Variants in EPHA3 observed in about 807,000 individuals in gnomAD.
EPHA3 encodes ephrin type-A receptor 3.
EPHA3 carries 42 observed loss-of-function variants against 107.1 expected under a neutral mutation model. The observed-to-expected ratio is 0.39, with a 90% confidence interval of 0.31 to 0.51. The LOEUF is 0.51. Ranked by LOEUF, EPHA3 falls within the 20% of genes least tolerant of loss-of-function variation. The pLI is 0.78. For synonymous variants in EPHA3, 461 were observed against 424.8 expected (o/e 1.09, Z -1.05); for missense variants, 1,183 against 1,211.2 (o/e 0.98, Z 0.35).
chr3:89,432,343 T>C (rs1709585447), intron 13 of EPHA3, among the ~76,000 whole-genome samples: 1 of 152,178 alleles, frequency 6.6e-6, no homozygotes, highest in South Asian at 2.1e-4. Context: ...CAAAATGCAT[T>C]TGAATTTTTT....
intron 3 of EPHA3, among the ~76,000 whole-genome samples, chr3:89,299,951 T>C (rs1317058252): frequency 6.6e-6 from 1 of 152,058 alleles, no homozygotes; most frequent in Non-Finnish European, 1.5e-5. Context: ...GTGTCGATTA[T>C]ATTAATTTTT....
chr3:89,223,080 A>T (rs1196320020), intron 3 of EPHA3, among the ~76,000 whole-genome samples: 1 of 152,322 alleles, frequency 6.6e-6, no homozygotes, highest in East Asian at 1.9e-4. Flanking sequence ...AAAAACACTG[A>T]TAGTCAAGAA....
chr3:89,181,389 A>T (rs561748836), intron 2 of EPHA3, among the ~76,000 whole-genome samples: 4 of 151,988 alleles, frequency 2.6e-5, no homozygotes, highest in African/African-American at 9.7e-5. Flanking sequence ...TATATCAGTT[A>T]TATATTTTGT....
At chr3:89,358,802 T>C (rs996174570) in intron 5 of EPHA3, among the ~76,000 whole-genome samples, 3 of 151,302 alleles carry the variant, frequency 2.0e-5, no homozygotes, top group Admixed American at 6.6e-5. Flanking sequence ...CCCAAAGTTT[T>C]TCACTAAAGA....
chr3:89,361,179 G>C (rs1014539368), intron 5 of EPHA3, among the ~76,000 whole-genome samples: 1 of 151,026 alleles, frequency 6.6e-6, no homozygotes, highest in Non-Finnish European at 1.5e-5. Flanking sequence ...GATGCCATTA[G>C]TGTTGCCCAA....
chr3:89,109,225 C>T (rs77858175), intron 1 of EPHA3, among the ~76,000 whole-genome samples: 5,183 of 152,032 alleles, frequency 0.034, 266 homozygotes, highest in African/African-American at 0.11. Flanking sequence ...AGAAAATTAT[C>T]TTACCCACAA....
intron 2 of EPHA3, among the ~76,000 whole-genome samples, chr3:89,203,444 G>T (rs1254901696): frequency 5.3e-5 from 8 of 151,972 alleles, no homozygotes; most frequent in Non-Finnish European, 1.2e-4. Flanking sequence ...TGAGATCTCA[G>T]TACAGTAACC....
intron 9 of EPHA3, among the ~76,000 whole-genome samples, chr3:89,410,791 G>A (rs1309164200): frequency 6.6e-6 from 1 of 151,906 alleles, no homozygotes; most frequent in Non-Finnish European, 1.5e-5. Context: ...ATCTAGAAAA[G>A]TATGATAGCT....
At chr3:89,174,919 AG>A (rs1162098632) in intron 2 of EPHA3, among the ~76,000 whole-genome samples, 2 of 152,048 alleles carry the variant, frequency 1.3e-5, no homozygotes, top group Admixed American at 6.6e-5. Flanking sequence ...GGAAAAAAAA[AG>A]CATGAAACAT....
intron 2 of EPHA3, among the ~76,000 whole-genome samples, chr3:89,163,808 GGAT>G (rs1323156714): frequency 1.3e-5 from 2 of 152,116 alleles, no homozygotes; most frequent in Non-Finnish European, 2.9e-5. Context: ...TACTTTCAAA[GGAT>G]GATGGTATGG....
intron 3 of EPHA3, among the ~76,000 whole-genome samples, chr3:89,233,362 C>G: frequency 6.6e-6 from 1 of 152,112 alleles, no homozygotes; most frequent in East Asian, 1.9e-4. Flanking sequence ...ACTTTTCTGC[C>G]TTTGGCATTG....
intron 3 of EPHA3, among the ~76,000 whole-genome samples, chr3:89,275,640 A>G (rs115379548): frequency 0.011 from 1,668 of 152,204 alleles, 23 homozygotes; most frequent in African/African-American, 0.038. Flanking sequence ...TTCCAACACC[A>G]AATTTTCTCA....
At chr3:89,474,237 G>A (rs537592818) in intron 16 of EPHA3, among the ~76,000 whole-genome samples, 52 of 152,208 alleles carry the variant, frequency 3.4e-4, no homozygotes, top group African/African-American at 1.2e-3. Flanking sequence ...AACAGTTTAC[G>A]ATTATTGAAG....
intron 3 of EPHA3, among the ~76,000 whole-genome samples, chr3:89,233,620 T>G (rs1704687426): frequency 6.6e-6 from 1 of 152,152 alleles, no homozygotes; most frequent in Admixed American, 6.5e-5. Context: ...AGAGTGAAAA[T>G]TATATCGGTT....
chr3:89,263,113 T>C (rs1202225885), intron 3 of EPHA3, among the ~76,000 whole-genome samples: 1 of 151,956 alleles, frequency 6.6e-6, no homozygotes, highest in Non-Finnish European at 1.5e-5. Context: ...TTTCTCCTAA[T>C]GCTACCTCTC....
intron 3 of EPHA3, among the ~76,000 whole-genome samples, chr3:89,298,696 G>A (rs891458491): frequency 5.9e-5 from 9 of 152,156 alleles, no homozygotes; most frequent in South Asian, 2.1e-4. Context: ...ATACATTGGA[G>A]ATGCCAAGAC....
At chr3:89,175,956 C>G (rs534475621) in intron 2 of EPHA3, among the ~76,000 whole-genome samples, 1 of 152,108 alleles carries the variant, frequency 6.6e-6, no homozygotes, top group African/African-American at 2.4e-5. Flanking sequence ...CACCACTGAC[C>G]CCCAAGTGAT....
chr3:89,393,111 C>A (rs1344896245), intron 5 of EPHA3, among the ~76,000 whole-genome samples: 3 of 152,100 alleles, frequency 2.0e-5, no homozygotes, highest in Non-Finnish European at 2.9e-5. Context: ...TGAAATGCAG[C>A]CAGCACAAGG....
chr3:89,393,236 G>GT (rs1465938061), intron 5 of EPHA3, among the ~76,000 whole-genome samples: 5 of 152,164 alleles, frequency 3.3e-5, no homozygotes, highest in Non-Finnish European at 7.3e-5. Context: ...CTCTACTTAA[G>GT]TAAGTGTGGA....
Sources: allele counts gnomAD v4.1 joint callset (sites outside exome capture counted in the v4.1 genomes callset), GRCh38; gene constraint gnomAD v4.1.1; transcripts MANE v1.5; gene names NCBI Gene and HGNC (gene_info 2026-07-23, HGNC 2026-07-21).